Variants in TENM2 observed in about 807,000 individuals in gnomAD.
The protein encoded by TENM2 is teneurin transmembrane protein 2.
TENM2 carries 52 observed loss-of-function variants against 245.2 expected under a neutral mutation model. The ratio of observed to expected loss-of-function variants is 0.21; its 90% CI spans 0.17 to 0.27. The LOEUF (loss-of-function observed/expected upper bound fraction) is 0.27, where lower values mean the gene tolerates loss of function less well. Ranked by LOEUF, TENM2 falls within the 10% of genes least tolerant of loss-of-function variation. The pLI, the probability that TENM2 is intolerant of heterozygous loss-of-function variation, is 1.00. For synonymous variants in TENM2, 1,363 were observed against 1,438.9 expected (o/e 0.95, Z 1.19); for missense variants, 3,046 against 3,666.8 (o/e 0.83, Z 4.37).
At chr5:167,033,803 A>G in the TENM2 span, among the ~76,000 whole-genome samples, 2 of 152,202 alleles carry the variant, frequency 1.3e-5, no homozygotes, top group Admixed American at 6.5e-5. Flanking sequence ...CATTACAGAA[A>G]GCATTTTTGT....
At chr5:167,953,116 A>G (rs142299345) in intron 4 of TENM2, among the ~76,000 whole-genome samples, 1 of 152,314 alleles carries the variant, frequency 6.6e-6, no homozygotes, top group Admixed American at 6.5e-5. Flanking sequence ...GGCTCATGGG[A>G]AACATGCTTA....
intron 7 of TENM2, among the ~76,000 whole-genome samples, chr5:168,075,805 T>C (rs1363330714): frequency 1.3e-5 from 2 of 152,158 alleles, no homozygotes. Flanking sequence ...GGCCTCACAA[T>C]CATGGCAGAA....
chr5:167,127,401 T>A, the TENM2 span, among the ~76,000 whole-genome samples: 2 of 152,164 alleles, frequency 1.3e-5, no homozygotes, highest in African/African-American at 2.4e-5. Flanking sequence ...AAATTAATAG[T>A]TTGGAAATTT....
At chr5:167,751,986 A>G (rs1761988382) in intron 2 of TENM2, among the ~76,000 whole-genome samples, 1 of 151,528 alleles carries the variant, frequency 6.6e-6, no homozygotes, top group South Asian at 2.1e-4. Flanking sequence ...ATGCGCGCAC[A>G]CGATTGTGCA....
At chr5:166,998,180 T>C in the TENM2 span, among the ~76,000 whole-genome samples, 1 of 152,148 alleles carries the variant, frequency 6.6e-6, no homozygotes, top group African/African-American at 2.4e-5. Flanking sequence ...ACAAGTGGAA[T>C]GCTGATACAA....
At chr5:167,040,695 C>T in the TENM2 span, among the ~76,000 whole-genome samples, 4 of 152,160 alleles carry the variant, frequency 2.6e-5, no homozygotes, top group African/African-American at 9.7e-5. Flanking sequence ...AAATATATTT[C>T]CATACACTGT....
chr5:168,104,755 A>G (rs1272311121), intron 9 of TENM2, among the ~76,000 whole-genome samples: 1 of 151,490 alleles, frequency 6.6e-6, no homozygotes, highest in Non-Finnish European at 1.5e-5. Flanking sequence ...CGCAGCCCTC[A>G]CAATCTCGGG....
intron 2 of TENM2, among the ~76,000 whole-genome samples, chr5:167,384,152 A>G (rs1393730309): frequency 6.6e-6 from 1 of 152,216 alleles, no homozygotes; most frequent in African/African-American, 2.4e-5. Flanking sequence ...TTCCTAGATG[A>G]ATAGACAAAA....
intron 3 of TENM2, among the ~76,000 whole-genome samples, chr5:167,889,814 C>T (rs1774601473): frequency 6.6e-6 from 1 of 152,036 alleles, no homozygotes; most frequent in Non-Finnish European, 1.5e-5. Flanking sequence ...TTTTGCTAAC[C>T]TGCGTGCCTT....
chr5:167,839,170 T>C (rs886082583), intron 2 of TENM2, among the ~76,000 whole-genome samples: 1 of 152,224 alleles, frequency 6.6e-6, no homozygotes, highest in Non-Finnish European at 1.5e-5. Context: ...GTTCCTCTGC[T>C]TCTCAATGAC....
intron 4 of TENM2, among the ~76,000 whole-genome samples, chr5:167,981,368 G>A (rs1466089725): frequency 1.3e-5 from 2 of 152,218 alleles, no homozygotes; most frequent in Non-Finnish European, 2.9e-5. Context: ...TATAGGTGAA[G>A]CCTGGAAGAG....
chr5:167,682,786 G>A (rs554379239), intron 2 of TENM2, among the ~76,000 whole-genome samples: 1 of 152,258 alleles, frequency 6.6e-6, no homozygotes, highest in South Asian at 2.1e-4. Context: ...TATAGGCACA[G>A]AACTGTCAGG....
intron 13 of TENM2, among the ~76,000 whole-genome samples, chr5:168,189,539 G>A (rs978857286): frequency 2.0e-5 from 3 of 152,204 alleles, no homozygotes; most frequent in Non-Finnish European, 4.4e-5. Context: ...AGTCCTGAGG[G>A]CGTGCAGGAA....
intron 2 of TENM2, among the ~76,000 whole-genome samples, chr5:167,472,032 A>T (rs1434989123): frequency 1.3e-5 from 2 of 152,146 alleles, no homozygotes; most frequent in East Asian, 3.9e-4. Context: ...TTAGACCATT[A>T]GTGGTTTCTG....
chr5:168,087,761 A>G (rs1792586293), intron 7 of TENM2, among the ~76,000 whole-genome samples: 1 of 152,136 alleles, frequency 6.6e-6, no homozygotes, highest in African/African-American at 2.4e-5. Context: ...TCTTAGTAGA[A>G]AGACAACACA....
At chr5:167,090,055 C>A in the TENM2 span, among the ~76,000 whole-genome samples, 57 of 152,242 alleles carry the variant, frequency 3.7e-4, no homozygotes, top group African/African-American at 1.4e-3. Context: ...GTACCAGTTT[C>A]AGATAAACAG....
intron 27 of TENM2, among the ~76,000 whole-genome samples, chr5:168,251,446 A>T (rs892807921): frequency 3.3e-5 from 5 of 152,226 alleles, no homozygotes; most frequent in African/African-American, 1.2e-4. Flanking sequence ...AGAGTCTAAA[A>T]TAAAGGGTGG....
Position 168,247,609 on chromosome 5 carries a change from T to C in TENM2, c.6670T>C (p.Tyr2224His), listed in dbSNP as rs1766707361. 1 of 1,613,570 alleles carries C rather than the reference T, an allele frequency of 6.2e-7. No individual in the cohort carries two copies. The highest frequency in any genetic ancestry group is 8.5e-7 in the Non-Finnish European group (1 of 1,179,536). The change falls in exon 27 of 29, where the codon TAC becomes CAC. Residue 2224 changes from tyrosine to histidine, a missense_variant. Tyr to His is a moderately conservative substitution (Grantham distance 83, BLOSUM62 2). This residue lies in a region of TENM2 where 2,704 missense variants were observed against 3,331.9 expected (regional missense o/e 0.81). Coordinates refer to ENST00000518659, the Ensembl canonical transcript of TENM2. The surrounding 1 kb of genome is among the most constrained non-coding windows in gnomAD (Gnocchi z 7.8). Reference sequence around the variant, plus strand: ...CGTCAATGACCGCCCGACCTGGCGCTACAGCTATGACCTTAATGGGAATCT... The same window carrying C: ...CGTCAATGACCGCCCGACCTGGCGCCACAGCTATGACCTTAATGGGAATCT...
At chr5:167,153,862 G>GA in the TENM2 span, among the ~76,000 whole-genome samples, 3 of 152,084 alleles carry the variant, frequency 2.0e-5, no homozygotes, top group Non-Finnish European at 4.4e-5. Flanking sequence ...AGATAGGTCA[G>GA]AAACTCATTA....
Sources: gnomAD v4.1 joint callset for allele counts (sites outside exome capture counted in the v4.1 genomes callset) on GRCh38, gnomAD v4.1.1 for gene constraint, gnomAD v4.1.1 regional missense constraint, Gnocchi (gnomAD v3.1) non-coding constraint, MANE v1.5 for transcripts, NCBI Gene and HGNC (gene_info 2026-07-23, HGNC 2026-07-21) for gene names.